The following FLCN variants were observed in gnomAD, a reference collection of about 807,000 sequenced individuals.
The protein encoded by FLCN is folliculin.
A neutral mutation model predicts 62.5 loss-of-function variants in FLCN; 22 were observed. The ratio of observed to expected loss-of-function variants is 0.35; its 90% CI spans 0.25 to 0.50. FLCN has a LOEUF of 0.50. Ranked by LOEUF, FLCN falls within the 20% of genes least tolerant of loss-of-function variation. The pLI is 0.97. For missense variants in FLCN, 657 were observed against 778.0 expected (o/e 0.84, Z 1.85); for synonymous variants, 319 against 310.0 (o/e 1.03, Z -0.30).
At chr17:17,222,762 A>T (rs563410848) in intron 6 of FLCN, 101 bp from the exon 7 acceptor site, 2 of 1,382,940 alleles carry the variant, frequency 1.4e-6, no homozygotes, top group South Asian at 1.2e-5. Flanking sequence ...CTCCTGGAGG[A>T]TCAGTCCCAC....
chr17:17,228,476 A>C, intron 3 of FLCN: 1 of 355,322 alleles, frequency 2.8e-6, no homozygotes, highest in Non-Finnish European at 5.4e-6. Flanking sequence ...AGTGACATGA[A>C]CTGCAGCCAA....
At chr17:17,218,085 C>T (rs1359537514) in intron 9 of FLCN, among the ~76,000 whole-genome samples, 1 of 152,218 alleles carries the variant, frequency 6.6e-6, no homozygotes, top group East Asian at 1.9e-4. Flanking sequence ...AAATAACTCT[C>T]TTCTAATGAA....
rs770523996 is a variant in FLCN at position 17,215,109 on chromosome 17, G to T, written c.1433-19C>A. 6.2e-7 allele frequency: 1 copy of T among 1,613,820 alleles called. No homozygotes were observed. The highest frequency in any genetic ancestry group is 8.5e-7 in the Non-Finnish European group (1 of 1,179,902). On this transcript the variant is annotated intron_variant, in intron 12 of 13. Transcript: ENST00000285071. Reference sequence around the variant, plus strand: ...GGGCCCACTGGGGAGAAGGGCAGGGGCAGAGCAAGGGCAGGCGTTAGCGCG... The same window carrying T: ...GGGCCCACTGGGGAGAAGGGCAGGGTCAGAGCAAGGGCAGGCGTTAGCGCG...
intron 5 of FLCN, 79 bp downstream of exon 5, chr17:17,226,097 T>A: frequency 6.3e-7 from 1 of 1,591,486 alleles, no homozygotes; most frequent in East Asian, 2.3e-5. Flanking sequence ...CCCTGTGCAA[T>A]GCTGGCTCCG....
chr17:17,231,476 T>A (rs1215434046), intron 3 of FLCN: 5 of 151,884 alleles, frequency 3.3e-5, no homozygotes, highest in South Asian at 2.1e-4. Flanking sequence ...AGGGCCCAAG[T>A]CAGACTTGCT....
chr17:17,222,881 A>G, intron 6 of FLCN: 1 of 609,134 alleles, frequency 1.6e-6, no homozygotes. Flanking sequence ...AAATCGGTTG[A>G]GCTTCTCCTG....
Position 17,222,590 on chromosome 17 carries a change from T to TA in FLCN, c.689dup (p.His231ThrfsTer17). The TA allele has an allele frequency of 6.2e-7, 1 of 1,614,204 alleles. No homozygotes were observed. The highest frequency in any genetic ancestry group is 8.5e-7 in the Non-Finnish European group (1 of 1,180,036). On this transcript the variant is annotated frameshift_variant, in exon 7 of 14. Transcript: ENST00000285071. LOFTEE classifies it high-confidence loss of function. ...GGGCGGCGTTGCCGTTCCTCTGGTG[T>TA]AGGAATGGCGTGAAGGCTGTGTTCA...
At chr17:17,220,322 G>C (rs2144913510) in intron 8 of FLCN, 1 of 152,400 alleles carries the variant, frequency 6.6e-6, no homozygotes, top group Non-Finnish European at 1.5e-5. Context: ...GGGATTCCAG[G>C]CGTGCACCAG....
At chr17:17,214,055 C>T (rs951909778) in intron 13 of FLCN, among the ~76,000 whole-genome samples, 199 bp from the exon 14 acceptor site, 7 of 152,100 alleles carry the variant, frequency 4.6e-5, no homozygotes, top group African/African-American at 7.2e-5. Flanking sequence ...GGGAAGCTGT[C>T]GGGGCTGGGC....
intron 5 of FLCN, 131 bp from the exon 6 acceptor site, chr17:17,224,274 TG>T (rs2047186347): frequency 1.2e-6 from 1 of 815,784 alleles, no homozygotes. Context: ...AGTGGCACAG[TG>T]GGGGCCATGA....
Position 17,216,418 on chromosome 17 carries a change from C to CT in FLCN, c.1261dup (p.Ser421LysfsTer35). 6.2e-7 allele frequency: 1 copy of CT among 1,613,818 alleles called. No individual in the cohort carries two copies. The highest frequency in any genetic ancestry group is 8.5e-7 in the Non-Finnish European group (1 of 1,179,850). ...GTGGGGGGGGATCTGCACGTGCGGG[C>CT]TGAGCCCCAGGAAGTTGCACCGATA... On this transcript the variant is annotated frameshift_variant, in exon 11 of 14. Coordinates refer to ENST00000285071, the MANE Select transcript of FLCN (RefSeq NM_144997.7). LOFTEE classifies it high-confidence loss of function. The surrounding 1 kb of genome is among the most constrained non-coding windows in gnomAD (Gnocchi z 4.0).
In FLCN at chr17:17,226,197, A is replaced by G. The variant is rs2047242544; in HGVS notation, c.375T>C (p.Cys125=). ...TCACCTCACAGCTCAGGCTCCGGAC[A>G]CAGGCCTGGCGGACAATGCTGAAGA... ...PQLFSIVRQA[C]VRSLSCEVCP... is the part of the protein sequence containing the mutation. The change falls in exon 5 of 14, where the codon TGT becomes TGC. Residue 125 remains cysteine, a synonymous_variant. Transcript: ENST00000285071. The G allele has an allele frequency of 6.2e-7, 1 of 1,614,090 alleles. No individual in the cohort carries two copies. The highest frequency in any genetic ancestry group is 8.5e-7 in the Non-Finnish European group (1 of 1,180,020).
At position 17,217,039 on chromosome 17, in the gene FLCN, G is replaced by A. The variant is rs75593733; in HGVS notation, c.1176+30C>T. ...AGGCACCAGGCCAATACTGCCCTGC[G>A]CCGCACACCTAAGGAAAAGATGTTC... On this transcript the variant is annotated intron_variant, in intron 10 of 13. Coordinates refer to ENST00000285071, the MANE Select transcript of FLCN (RefSeq NM_144997.7). The A allele has an allele frequency of 3.0e-3, 4,492 of 1,506,628 alleles. 99 individuals carry two copies. In the African/African-American group the frequency reaches 0.052, roughly 17 times the overall value. 93.3% of individuals were successfully genotyped at this position (1,506,628 alleles called of 1,614,324 possible). A position where few individuals can be genotyped will look rare whatever the true frequency, so the allele number is the denominator to read the frequency against.
At chr17:17,223,292 C>T (rs1255309091) in intron 6 of FLCN, among the ~76,000 whole-genome samples, 1 of 152,198 alleles carries the variant, frequency 6.6e-6, no homozygotes, top group Non-Finnish European at 1.5e-5. Context: ...GGGGTTTCTC[C>T]ATGTTGGTCA....
intron 5 of FLCN, chr17:17,224,950 T>C (rs2047206442): frequency 6.6e-6 from 1 of 152,540 alleles, no homozygotes; most frequent in South Asian, 2.1e-4. Context: ...AGACCAGCGG[T>C]AGGAAATTAA....
chr17:17,226,377 C>A lies in FLCN; in HGVS notation c.250-55G>T, dbSNP rs529617932. The A allele has an allele frequency of 1.1e-5, 18 of 1,606,932 alleles. No individual in the cohort carries two copies. In the East Asian group the frequency reaches 4.0e-4, roughly 36 times the overall value. On this transcript the variant is annotated intron_variant, in intron 4 of 13. Transcript: ENST00000285071. Reference sequence around the variant, plus strand: ...TAGTTGGGAAGCAGGGCGACAAACTCTCTTAGGTTTATGCAAATCTGAGCT... The same window carrying A: ...TAGTTGGGAAGCAGGGCGACAAACTATCTTAGGTTTATGCAAATCTGAGCT...
At chr17:17,215,898 G>C (rs1342092507) in intron 11 of FLCN, among the ~76,000 whole-genome samples, 2 of 152,180 alleles carry the variant, frequency 1.3e-5, no homozygotes, top group African/African-American at 4.8e-5. Context: ...CAAAAGACCA[G>C]GGGTTTGCTG....
Position 17,231,812 on chromosome 17 carries a change from G to C in FLCN, c.-43C>G, listed in dbSNP as rs1258668101. Reference sequence around the variant, plus strand: ...CACCCACCTGACGTTTCTGCAGTTGGCTGCTTAGCTGCACGAGCTGCTCCG... The same window carrying C: ...CACCCACCTGACGTTTCTGCAGTTGCCTGCTTAGCTGCACGAGCTGCTCCG... On this transcript the variant is annotated 5_prime_UTR_variant, in exon 3 of 14. Transcript: ENST00000285071. The C allele has an allele frequency of 1.3e-5, 2 of 152,422 alleles. No homozygotes were observed. The allele number at this position is 152,422 out of a possible 1,614,324, so 9.4% of individuals were successfully genotyped here.
Position 17,216,235 on chromosome 17 carries a change from C to A in FLCN, c.1300+145G>T. ...CCGCTACCTGTGTGAAGATAGAACA[C>A]GGAGGCCCAGAGCCATGGGGGAAGC... On this transcript the variant is annotated intron_variant, in intron 11 of 13. Transcript: ENST00000285071. The surrounding 1 kb of genome is among the most constrained non-coding windows in gnomAD (Gnocchi z 4.0). 1 of 1,230,852 alleles carries A rather than the reference C, an allele frequency of 8.1e-7. No homozygotes were observed. The highest frequency in any genetic ancestry group is 1.1e-6 in the Non-Finnish European group (1 of 893,192). 76.2% of individuals were successfully genotyped at this position (1,230,852 alleles called of 1,614,324 possible).
Sources: allele counts gnomAD v4.1 joint callset (sites outside exome capture counted in the v4.1 genomes callset), GRCh38; gene constraint gnomAD v4.1.1; non-coding constraint Gnocchi (gnomAD v3.1); transcripts MANE v1.5; gene names NCBI Gene and HGNC (gene_info 2026-07-23, HGNC 2026-07-21).